The following LAS1L variants were observed in gnomAD, a reference collection of about 807,000 sequenced individuals.
The protein encoded by LAS1L is ribosomal biogenesis protein LAS1L.
Under a neutral mutation model 57.3 loss-of-function variants are expected in LAS1L, and 5 were observed. The observed-to-expected ratio is 0.09, with a 90% CI of 0.05 to 0.18. The LOEUF (loss-of-function observed/expected upper bound fraction) is 0.18, where lower values mean the gene tolerates loss of function less well. Ranked by LOEUF, LAS1L falls within the 10% of genes least tolerant of loss-of-function variation. The pLI is 1.00. For synonymous variants in LAS1L, 245 were observed against 231.7 expected (o/e 1.06, Z -0.52); for missense variants, 360 against 568.3 (o/e 0.63, Z 3.73).
intron 12 of LAS1L, among the ~76,000 whole-genome samples, chrX:65,515,452 A>G (rs2068595984): frequency 9.1e-6 from 1 of 109,996 alleles, no homozygotes; most frequent in Non-Finnish European, 1.9e-5. Context: ...TAGCTGAATG[A>G]CCTAGATTTC....
chrX:65,532,473 G>C, intron 3 of LAS1L, 88 bp downstream of exon 3: 1 of 676,973 alleles, frequency 1.5e-6, no homozygotes, highest in South Asian at 2.3e-5. Flanking sequence ...GGATGAGCTA[G>C]TCTGACTGTG....
intron 7 of LAS1L, among the ~76,000 whole-genome samples, chrX:65,525,758 A>G (rs898001794): frequency 1.9e-5 from 2 of 106,844 alleles, no homozygotes; most frequent in Non-Finnish European, 1.9e-5. Flanking sequence ...CAAAAAAAAA[A>G]AAAAAAAAAA....
intron 11 of LAS1L, chrX:65,523,043 G>C (rs189059461): frequency 8.9e-6 from 1 of 112,771 alleles, no homozygotes; most frequent in East Asian, 2.8e-4. Context: ...ACCCAGGGTG[G>C]ATAGGGTAAA....
chrX:65,520,999 C>A, intron 11 of LAS1L: 1 of 754,185 alleles, frequency 1.3e-6, no homozygotes, highest in Non-Finnish European at 1.6e-6. Context: ...CATCCAGGCC[C>A]TTTTGGTTCT....
intron 7 of LAS1L, among the ~76,000 whole-genome samples, chrX:65,527,451 T>C (rs1350718283): frequency 9.1e-6 from 1 of 110,277 alleles, no homozygotes; most frequent in African/African-American, 3.3e-5. Flanking sequence ...GTGGGAGGAT[T>C]TCTTGAGTGT....
chrX:65,519,025 G>A lies in LAS1L; in HGVS notation c.1449-560C>T, dbSNP rs763479701. On this transcript the variant is annotated intron_variant, in intron 11 of 13. Transcript: ENST00000374811. ...TGGAGGAAAAGAAAAAAAAAGCAGC[G>A]GCTGACAAGACAAAGCAGGATGTGG... is the stretch of plus-strand genomic sequence containing the variant. The A allele has an allele frequency of 1.4e-5, 10 of 701,016 alleles. No homozygotes were observed. The South Asian group carries it at 3.0e-4, about 21-fold the overall frequency. 57.8% of individuals were successfully genotyped at this position (701,016 alleles called of 1,213,427 possible).
intron 7 of LAS1L, among the ~76,000 whole-genome samples, chrX:65,527,507 A>T (rs2069225457): frequency 9.0e-6 from 1 of 111,208 alleles, no homozygotes; most frequent in Non-Finnish European, 1.9e-5. Context: ...ACTGCACTCC[A>T]GCCTGGGTGA....
chrX:65,523,600 A>G lies in LAS1L; in HGVS notation c.1408T>C (p.Leu470=). The G allele has an allele frequency of 8.3e-7, 1 of 1,203,887 alleles. No homozygotes were observed. Among genetic ancestry groups the G allele is most frequent in the Non-Finnish European group, 1.1e-6 (1 of 891,367 alleles). Residue 470 remains leucine (L), a synonymous_variant, in exon 11 of 14, where the codon TTG becomes CTG. Coordinates refer to ENST00000374811, the MANE Select transcript of LAS1L (RefSeq NM_031206.7). ...LDWPRMVESC[L]GSPCWASPQL... ...GGGCTGGCCCAGCAAGGTGAGCCCAAGCAGGACTCAACCATCCGGGGCCAG... is the reference window on the plus strand; with the variant it reads ...GGGCTGGCCCAGCAAGGTGAGCCCAGGCAGGACTCAACCATCCGGGGCCAG...
intron 7 of LAS1L, among the ~76,000 whole-genome samples, chrX:65,526,660 C>T (rs145960070): frequency 2.6e-4 from 29 of 111,535 alleles, no homozygotes; most frequent in Middle Eastern, 4.6e-3. Flanking sequence ...ACGTTCTTAG[C>T]GGAAAGTCCC....
At chrX:65,532,538 C>G in intron 3 of LAS1L, 23 bp downstream of exon 3, 1 of 1,172,026 alleles carries the variant, frequency 8.5e-7, no homozygotes, top group Non-Finnish European at 1.2e-6. Flanking sequence ...CAGAATTGAG[C>G]AAGTTCACTG....
rs758712423 is a variant in LAS1L at position 65,517,407 on chromosome X, C to G, written c.1927+580G>C. 1.4e-4 allele frequency among the ~76,000 whole-genome samples: 16 copies of G among 110,496 alleles called. 1 individual carries two copies. The South Asian group carries it at 6.3e-3, about 43-fold the overall frequency. ...GGACTACAGGCGCCCGCCACCACGCCCAGCTAATTTTTTTTTTGTATTTTT... is the reference window on the plus strand; with the variant it reads ...GGACTACAGGCGCCCGCCACCACGCGCAGCTAATTTTTTTTTTGTATTTTT... On this transcript the variant is annotated intron_variant, in intron 12 of 13. Transcript: ENST00000374811.
intron 7 of LAS1L, among the ~76,000 whole-genome samples, chrX:65,527,138 G>A (rs1469646352): frequency 6.0e-5 from 6 of 100,814 alleles, no homozygotes; most frequent in Non-Finnish European, 1.0e-4. Flanking sequence ...CCTTGAACTC[G>A]GGAGGCAGAG....
chrX:65,514,840 G>C lies in LAS1L; in HGVS notation c.2061C>G (p.Pro687=), dbSNP rs146839918. Reference sequence around the variant, plus strand: ...GCACTCACTCAGTCTTGCATGTTGAGGGTTCCAGCCGCTGCTCTAGCACAG... The same window carrying C: ...GCACTCACTCAGTCTTGCATGTTGACGGTTCCAGCCGCTGCTCTAGCACAG... The part of the protein sequence containing the change: ...DQPVLEQRLE[P]STCKTDTLGL... The change falls in exon 13 of 14, where the codon CCC becomes CCG. Residue 687 remains proline (P), a synonymous_variant. Transcript: ENST00000374811. 1.0e-4 allele frequency: 119 copies of C among 1,192,810 alleles called. No individual in the cohort carries two copies. The highest frequency in any genetic ancestry group is 1.2e-5 in the Non-Finnish European group (11 of 885,625).
At chrX:65,514,346 A>G (rs2068549334) in intron 13 of LAS1L, among the ~76,000 whole-genome samples, 1 of 110,780 alleles carries the variant, frequency 9.0e-6, no homozygotes, top group South Asian at 3.8e-4. Context: ...CAGTGTGGGG[A>G]GGCCTACTGA....
intron 1 of LAS1L, among the ~76,000 whole-genome samples, 170 bp from the exon 2 acceptor site, chrX:65,533,905 A>G (rs2069644042): frequency 8.9e-6 from 1 of 111,982 alleles, no homozygotes. Context: ...GTGGGATCCA[A>G]CAGTATACAG....
chrX:65,526,049 T>C (rs1423959857), intron 7 of LAS1L, among the ~76,000 whole-genome samples: 1 of 111,124 alleles, frequency 9.0e-6, no homozygotes, highest in Non-Finnish European at 1.9e-5. Flanking sequence ...AGCTGGTTGT[T>C]AAAAAAGAGC....
At position 65,525,748 on chromosome X, in the gene LAS1L, C is replaced by CAAAAAAAAAAAAAA. The variant is rs772564998; in HGVS notation, c.957-712_957-699dup. ...AGGTCTTCACCAAGGTCTGATTTTT[C>CAAAAAAAAAAAAAA]AAAAAAAAAAAAAAAAAAAAGAAAG... On this transcript the variant is annotated intron_variant, in intron 7 of 13. Transcript: ENST00000374811. Among the ~76,000 whole-genome samples, 64 of 38,219 alleles carry CAAAAAAAAAAAAAA rather than the reference C, an allele frequency of 1.7e-3. 1 individual carries two copies. The highest frequency in any genetic ancestry group is 6.8e-3 in the African/African-American group (59 of 8,711). The allele number at this position is 38,219 out of a possible 115,157, so 33.2% of individuals were successfully genotyped here. A position where few individuals can be genotyped will look rare whatever the true frequency, so the allele number is the denominator to read the frequency against.
chrX:65,518,946 C>G, intron 11 of LAS1L: 1 of 753,420 alleles, frequency 1.3e-6, no homozygotes, highest in South Asian at 6.7e-5. Flanking sequence ...GCTCCTTCTG[C>G]GTGGAACACA....
chrX:65,530,018 C>T (rs1457001443), intron 4 of LAS1L, 140 bp from the exon 5 acceptor site: 15 of 522,173 alleles, frequency 2.9e-5, no homozygotes, highest in South Asian at 6.7e-5. Context: ...CAGAAGCAGC[C>T]TCTTTCACTC....
Sources: allele counts gnomAD v4.1 joint callset (sites outside exome capture counted in the v4.1 genomes callset), GRCh38; gene constraint gnomAD v4.1.1; transcripts MANE v1.5; gene names NCBI Gene and HGNC (gene_info 2026-07-23, HGNC 2026-07-21).